KPNA7: variants seen among roughly 807,000 people sequenced by gnomAD.
KPNA7 encodes importin subunit alpha-8.
A neutral mutation model predicts 53.7 loss-of-function variants in KPNA7; 54 were observed. The ratio of observed to expected loss-of-function variants is 1.01; its 90% CI spans 0.81 to 1.26. KPNA7 has a LOEUF of 1.26. Ranked by LOEUF, KPNA7 falls within the 50% of genes most tolerant of loss-of-function variation. The pLI, the probability that KPNA7 is intolerant of heterozygous loss-of-function variation, is 0.00. For synonymous variants in KPNA7, 276 were observed against 259.3 expected (o/e 1.06, Z -0.62); for missense variants, 640 against 644.5 (o/e 0.99, Z 0.07).
intron 7 of KPNA7, among the ~76,000 whole-genome samples, chr7:99,185,439 T>C (rs1355047034): frequency 6.6e-6 from 1 of 152,154 alleles, no homozygotes; most frequent in Non-Finnish European, 1.5e-5. Context: ...CTTCAACTCT[T>C]GGGCTCAAGT....
the KPNA7 span, among the ~76,000 whole-genome samples, chr7:99,147,409 C>A: frequency 1.3e-5 from 2 of 152,182 alleles, no homozygotes. Context: ...AAGGCATGAA[C>A]GTGAATGGCA....
downstream of KPNA7, among the ~76,000 whole-genome samples, chr7:99,172,231 G>A (rs1229873681): frequency 1.3e-5 from 2 of 152,178 alleles, no homozygotes; most frequent in Non-Finnish European, 2.9e-5. Flanking sequence ...TGAGCATAAT[G>A]TTTAGAATTA....
intron 8 of KPNA7, 81 bp from the exon 9 acceptor site, chr7:99,182,146 G>A: frequency 8.9e-7 from 1 of 1,124,228 alleles, no homozygotes; most frequent in East Asian, 2.7e-5. Flanking sequence ...ACTTTCTAGG[G>A]AGGCTGGTGA....
chr7:99,173,907 A>G (rs1798817921), intron 10 of KPNA7, 113 bp from the exon 11 acceptor site: 2 of 643,156 alleles, frequency 3.1e-6, no homozygotes, highest in Non-Finnish European at 5.5e-6. Flanking sequence ...ATGTTTAAGC[A>G]GGTAGCTTAG....
At chr7:99,203,658 T>C (rs1176279296) in intron 2 of KPNA7, among the ~76,000 whole-genome samples, 2 of 152,134 alleles carry the variant, frequency 1.3e-5, no homozygotes, top group African/African-American at 4.8e-5. Context: ...ATTAGGGGAC[T>C]GCCCATGTCC....
chr7:99,151,176 T>A, the KPNA7 span, among the ~76,000 whole-genome samples: 1 of 152,120 alleles, frequency 6.6e-6, no homozygotes, highest in Non-Finnish European at 1.5e-5. Flanking sequence ...GTTCCTGCCC[T>A]TTTTTTCTGG....
At chr7:99,159,193 A>G in the KPNA7 span, among the ~76,000 whole-genome samples, 15 of 151,968 alleles carry the variant, frequency 9.9e-5, no homozygotes, top group Admixed American at 8.5e-4. Context: ...CATAAAAGCA[A>G]TGTCATTAGC....
chr7:99,175,823 C>G (rs1798879643), intron 10 of KPNA7, among the ~76,000 whole-genome samples: 1 of 152,016 alleles, frequency 6.6e-6, no homozygotes, highest in Non-Finnish European at 1.5e-5. Context: ...AGAGCATCAT[C>G]TTGGTCCCAA....
chr7:99,209,543 C>T (rs1302968267), upstream of KPNA7, among the ~76,000 whole-genome samples: 28 of 151,884 alleles, frequency 1.8e-4, no homozygotes, highest in Admixed American at 1.1e-3. Context: ...ATTAGCCAGG[C>T]GTAGTGGCAG....
chr7:99,148,013 T>C, the KPNA7 span, among the ~76,000 whole-genome samples: 7 of 143,228 alleles, frequency 4.9e-5, no homozygotes, highest in African/African-American at 1.9e-4. Flanking sequence ...TGAGACCCCA[T>C]GTCTTTAAAA....
chr7:99,153,704 C>T, the KPNA7 span, among the ~76,000 whole-genome samples: 4 of 151,924 alleles, frequency 2.6e-5, no homozygotes, highest in African/African-American at 7.3e-5. Flanking sequence ...TGCAGTGGCT[C>T]ATGCCTGTAA....
intron 10 of KPNA7, among the ~76,000 whole-genome samples, chr7:99,177,388 G>T (rs1798944067): frequency 6.6e-6 from 1 of 152,044 alleles, no homozygotes; most frequent in African/African-American, 2.4e-5. Context: ...TTTGAGACCA[G>T]CCTGGCTAAC....
chr7:99,177,055 G>A (rs1449000205), intron 10 of KPNA7, among the ~76,000 whole-genome samples: 1 of 152,168 alleles, frequency 6.6e-6, no homozygotes, highest in African/African-American at 2.4e-5. Context: ...AAAAAGGAAA[G>A]CAATCCTGAC....
rs181142545 is a variant in KPNA7, at chr7:99,194,416, G to A, written c.553+654C>T. ...CCACTGAAGGCAGAGTCCTTCTGGG[G>A]TCCCGAGTTATGTAAGGGTCTATCA... On this transcript the variant is annotated intron_variant, in intron 5 of 10. Transcript: ENST00000327442. Among the ~76,000 whole-genome samples, 26 of 152,148 alleles carry A rather than the reference G, an allele frequency of 1.7e-4. No homozygotes were observed. The East Asian group carries it at 3.9e-3, about 23-fold the overall frequency.
the KPNA7 span, among the ~76,000 whole-genome samples, chr7:99,163,413 G>A: frequency 4.3e-5 from 3 of 69,818 alleles, no homozygotes; most frequent in Non-Finnish European, 7.9e-5. Flanking sequence ...TTTTGAGACA[G>A]GGTCTCACTT....
At chr7:99,155,615 C>T in the KPNA7 span, among the ~76,000 whole-genome samples, 1 of 152,048 alleles carries the variant, frequency 6.6e-6, no homozygotes, top group African/African-American at 2.4e-5. Context: ...GGCTGGAGTG[C>T]AGTGGCATGA....
At chr7:99,183,002 T>TC (rs1432417379) in intron 8 of KPNA7, among the ~76,000 whole-genome samples, 1 of 152,098 alleles carries the variant, frequency 6.6e-6, no homozygotes, top group African/African-American at 2.4e-5. Context: ...ACACCTGCAA[T>TC]CCCAGCACTT....
chr7:99,193,860 T>C (rs1460900166), intron 5 of KPNA7, among the ~76,000 whole-genome samples: 3 of 152,102 alleles, frequency 2.0e-5, no homozygotes, highest in African/African-American at 7.2e-5. Flanking sequence ...TTATTTTTTG[T>C]AGAGATAAGT....
chr7:99,200,998 GT>G (rs1790501563), intron 3 of KPNA7, among the ~76,000 whole-genome samples: 2 of 152,152 alleles, frequency 1.3e-5, no homozygotes, highest in South Asian at 4.2e-4. Context: ...ACAAAATGTG[GT>G]CTCTCCATAT....
Sources: allele counts gnomAD v4.1 joint callset (sites outside exome capture counted in the v4.1 genomes callset), GRCh38; gene constraint gnomAD v4.1.1; transcripts MANE v1.5; gene names NCBI Gene and HGNC (gene_info 2026-07-23, HGNC 2026-07-21).